The following TRPM6 variants were observed in gnomAD, a reference collection of about 807,000 sequenced individuals.
TRPM6 encodes transient receptor potential cation channel subfamily M member 6.
Under a neutral mutation model 247.6 loss-of-function variants are expected in TRPM6, and 111 were observed. That is an observed-to-expected ratio of 0.45 (90% CI 0.38 to 0.52). The LOEUF (loss-of-function observed/expected upper bound fraction) is 0.52. Ranked by LOEUF, TRPM6 falls within the 20% of genes least tolerant of loss-of-function variation. The probability of loss-of-function intolerance (pLI) is 0.00; values close to 1 mark genes in which losing one functional copy is unlikely to be tolerated. For synonymous variants in TRPM6, 892 were observed against 853.8 expected, an observed-to-expected ratio of 1.04 and a Z score of -0.78; for missense variants, 2,126 against 2,421.5, an observed-to-expected ratio of 0.88 and a Z score of 2.56.
intron 5 of TRPM6, among the ~76,000 whole-genome samples, chr9:74,835,405 C>T (rs1036763636): frequency 1.3e-5 from 2 of 151,964 alleles, no homozygotes; most frequent in African/African-American, 4.8e-5. Context: ...CTAATCTTAC[C>T]CAATGTCCCA....
At chr9:74,803,927 GTTA>G in intron 14 of TRPM6, 41 bp from the exon 15 acceptor site, 1 of 1,201,768 alleles carries the variant, frequency 8.3e-7, no homozygotes, top group Non-Finnish European at 1.2e-6. Context: ...TCTCTGGCAC[GTTA>G]TTATTTTATT....
chr9:74,726,917 A>T (rs1825348396), intron 38 of TRPM6, among the ~76,000 whole-genome samples: 1 of 152,156 alleles, frequency 6.6e-6, no homozygotes, highest in Non-Finnish European at 1.5e-5. Flanking sequence ...GCTGTGCACT[A>T]ATCTCTTTGC....
In TRPM6 at chr9:74,840,224, G is replaced by A; in HGVS notation, c.344C>T (p.Ser115Phe). ...HTHHAKYIRT[S>F]YDTKLDHLLH... ...CAGATGATCCAGTTTTGTATCATAAGAAGTTCTAATATACTGCAAGAAAAG... is the reference window on the plus strand; with the variant it reads ...CAGATGATCCAGTTTTGTATCATAAAAAGTTCTAATATACTGCAAGAAAAG... The change falls in exon 5 of 39, where the codon TCT (serine) becomes TTT (phenylalanine). Residue 115 changes from serine (S) to phenylalanine (F), a missense_variant. By Grantham distance (155) the Ser-to-Phe change is radical (BLOSUM62 -2). This residue lies in a region of TRPM6 where 1,082 missense variants were observed against 1,307.9 expected (regional missense o/e 0.83). Transcript: ENST00000360774. 1 of 1,612,118 alleles carries A rather than the reference G, an allele frequency of 6.2e-7. No individual in the cohort carries two copies. The highest frequency in any genetic ancestry group is 1.1e-5 in the South Asian group (1 of 91,022).
At chr9:74,785,818 T>C (rs1587503409) in intron 21 of TRPM6, 56 bp downstream of exon 21, 15 of 1,607,716 alleles carry the variant, frequency 9.3e-6, no homozygotes, top group East Asian at 6.7e-5. Flanking sequence ...CCACCACACC[T>C]GGCTAAAAAT....
intron 2 of TRPM6, among the ~76,000 whole-genome samples, chr9:74,858,389 A>AAAAAACAAAAAAAC (rs55660256): frequency 0.92 from 139,702 of 152,014 alleles, 64,371 homozygotes; most frequent in African/African-American, 0.98. Context: ...CTTCGTCTCA[A>AAAAAACAAAAAAAC]AAAAACAAAA....
intron 3 of TRPM6, among the ~76,000 whole-genome samples, chr9:74,848,272 T>G (rs758277469): frequency 2.6e-5 from 4 of 152,170 alleles, no homozygotes; most frequent in Non-Finnish European, 5.9e-5. Flanking sequence ...TCACTACTCT[T>G]GCACTTTGGA....
In TRPM6 at chr9:74,855,138, G is replaced by T. The variant is rs62569735; in HGVS notation, c.152+389C>A. Among the ~76,000 whole-genome samples the T allele has an allele frequency of 2.6e-5, 4 of 152,196 alleles. No homozygotes were observed. The South Asian group carries it at 8.3e-4, about 31-fold the overall frequency. On this transcript the variant is annotated intron_variant, in intron 3 of 38. Transcript: ENST00000360774. ...AAAATGCAAATCACTGTTAAAATTT[G>T]TATTGCACTAAACAGCTTTTTGCCC...
At chr9:74,850,126 C>T (rs981988166) in intron 3 of TRPM6, among the ~76,000 whole-genome samples, 7 of 152,182 alleles carry the variant, frequency 4.6e-5, no homozygotes, top group Admixed American at 4.6e-4. Flanking sequence ...AATGCCAGCA[C>T]TTTGGGAGGC....
intron 38 of TRPM6, among the ~76,000 whole-genome samples, chr9:74,726,347 T>C (rs1031081891): frequency 1.5e-4 from 23 of 151,920 alleles, no homozygotes; most frequent in African/African-American, 5.6e-4. Context: ...CTATCTCTAC[T>C]AAAAATACAA....
intron 25 of TRPM6, 100 bp from the exon 26 acceptor site, chr9:74,763,234 C>T: frequency 1.8e-6 from 2 of 1,130,162 alleles, no homozygotes; most frequent in Non-Finnish European, 2.6e-6. Flanking sequence ...TCCTGAGCCT[C>T]AGCTGCTTCC....
In TRPM6 at chr9:74,764,732, C is replaced by T. The variant is rs139872241; in HGVS notation, c.3537-1598G>A. 9.9e-4 allele frequency among the ~76,000 whole-genome samples: 150 copies of T among 152,064 alleles called. 1 individual carries two copies. Among genetic ancestry groups the T allele is most frequent in the African/African-American group, 2.8e-3 (116 of 41,464 alleles). On this transcript the variant is annotated intron_variant, in intron 25 of 38. Transcript: ENST00000360774. ...TTGATTACATAAAAAGAAACTTGTA[C>T]GCAAAAATAGAATACAAAGGCTTAA...
chr9:74,793,387 G>A (rs554267344), intron 18 of TRPM6, among the ~76,000 whole-genome samples: 61 of 151,906 alleles, frequency 4.0e-4, no homozygotes, highest in Non-Finnish European at 7.2e-4. Flanking sequence ...TGCTCTTGTC[G>A]CCCAGGCTGG....
At chr9:74,769,952 T>C (rs1826974764) in intron 25 of TRPM6, among the ~76,000 whole-genome samples, 1 of 152,128 alleles carries the variant, frequency 6.6e-6, no homozygotes, top group South Asian at 2.1e-4. Context: ...CCCGTCGGAC[T>C]CAATGAGCAT....
chr9:74,732,771 G>A, intron 36 of TRPM6, 35 bp from the exon 37 acceptor site: 1 of 1,494,476 alleles, frequency 6.7e-7, no homozygotes, highest in South Asian at 1.2e-5. Context: ...TTAGCAAATG[G>A]AGATTTCATT....
In TRPM6 at chr9:74,771,733, C is replaced by A; in HGVS notation, c.3506G>T (p.Cys1169Phe). 1.2e-6 allele frequency: 2 copies of A among 1,613,988 alleles called. No individual in the cohort carries two copies. Among genetic ancestry groups the A allele is most frequent in the Non-Finnish European group, 1.7e-6 (2 of 1,179,964 alleles). ...TGATGTCACTCGGATTCGTTCCTCA[C>A]AACTACAATTCACATCTTCCATCTT... Reference protein sequence around the residue: ...HEKMEDVNCSCEERIRVTSER... With the variant: ...HEKMEDVNCSFEERIRVTSER... The change falls in exon 25 of 39, where the codon TGT becomes TTT. Residue 1169 changes from cysteine (C) to phenylalanine (F), a missense_variant. Coordinates refer to ENST00000360774, the MANE Select transcript of TRPM6 (RefSeq NM_017662.5).
intron 17 of TRPM6, 196 bp downstream of exon 17, chr9:74,800,058 T>TC: frequency 1.6e-6 from 1 of 616,746 alleles, no homozygotes; most frequent in Non-Finnish European, 2.9e-6. Context: ...AAGACGACCA[T>TC]CCCCGATAGA....
chr9:74,862,913 A>T (rs1282558932), intron 1 of TRPM6, among the ~76,000 whole-genome samples: 1 of 151,882 alleles, frequency 6.6e-6, no homozygotes, highest in Non-Finnish European at 1.5e-5. Context: ...CCCAGGAGGC[A>T]GAGGTTGCAG....
In TRPM6 at chr9:74,849,243, C is replaced by T. The variant is rs184231911; in HGVS notation, c.152+6284G>A. Among the ~76,000 whole-genome samples, 440 of 150,446 alleles carry T rather than the reference C, an allele frequency of 2.9e-3. 4 individuals are homozygous for T. The highest frequency in any genetic ancestry group is 0.01 in the African/African-American group (418 of 40,970). On this transcript the variant is annotated intron_variant, in intron 3 of 38. Coordinates refer to ENST00000360774, the MANE Select transcript of TRPM6 (RefSeq NM_017662.5). ...GCAGGTGCCTGTAATCCCAGCTACT[C>T]GGGAGGCTAACACAGGAGAATCGCT...
intron 6 of TRPM6, among the ~76,000 whole-genome samples, chr9:74,828,453 T>A (rs904103994): frequency 6.6e-5 from 10 of 152,176 alleles, no homozygotes; most frequent in African/African-American, 2.2e-4. Context: ...TGGACCGATA[T>A]GTGATCCCAC....
Sources: allele counts gnomAD v4.1 joint callset (sites outside exome capture counted in the v4.1 genomes callset), GRCh38; gene constraint gnomAD v4.1.1; regional missense constraint gnomAD v4.1.1; transcripts MANE v1.5; gene names NCBI Gene and HGNC (gene_info 2026-07-23, HGNC 2026-07-21).